The following SLC24A2 variants were observed in gnomAD, a reference collection of about 807,000 sequenced individuals.
SLC24A2 encodes sodium/potassium/calcium exchanger 2.
A neutral mutation model predicts 62.0 loss-of-function variants in SLC24A2; 36 were observed. That is an observed-to-expected ratio of 0.58 (90% confidence interval 0.44 to 0.77). The LOEUF is 0.77. Ranked by LOEUF, SLC24A2 falls within the 30% of genes least tolerant of loss-of-function variation. The pLI, the probability that SLC24A2 is intolerant of heterozygous loss-of-function variation, is 0.00. For missense variants in SLC24A2, 846 were observed against 817.9 expected (o/e 1.03, Z -0.42); for synonymous variants, 358 against 294.0 (o/e 1.22, Z -2.23).
At chr9:19,596,423 T>C (rs888916285) in intron 5 of SLC24A2, among the ~76,000 whole-genome samples, 1 of 152,188 alleles carries the variant, frequency 6.6e-6, no homozygotes, top group Non-Finnish European at 1.5e-5. Context: ...TCGCAGTATG[T>C]ATGGGATGAA....
chr9:20,036,321 T>C, the SLC24A2 span, among the ~76,000 whole-genome samples: 1 of 152,238 alleles, frequency 6.6e-6, no homozygotes, highest in Non-Finnish European at 1.5e-5. Context: ...TATTTGACAC[T>C]TGTTGTAATG....
chr9:20,225,988 G>C, the SLC24A2 span, among the ~76,000 whole-genome samples: 3 of 152,038 alleles, frequency 2.0e-5, no homozygotes, highest in African/African-American at 4.8e-5. Context: ...TGAAAGTGAA[G>C]GAAGGAGGAA....
At chr9:20,023,478 T>C in the SLC24A2 span, among the ~76,000 whole-genome samples, 1 of 152,202 alleles carries the variant, frequency 6.6e-6, no homozygotes. Flanking sequence ...ACAATCTTTG[T>C]AGCTGTCACT....
the SLC24A2 span, among the ~76,000 whole-genome samples, chr9:20,127,627 G>A: frequency 2.6e-5 from 4 of 152,118 alleles, no homozygotes; most frequent in African/African-American, 7.2e-5. Context: ...GATTTTCAAT[G>A]AGATAACTTG....
At chr9:20,150,557 T>C in the SLC24A2 span, among the ~76,000 whole-genome samples, 13 of 152,010 alleles carry the variant, frequency 8.6e-5, no homozygotes, top group Non-Finnish European at 1.3e-4. Flanking sequence ...CCAAGGTCTT[T>C]TATAATTTTT....
chr9:19,553,336 G>C (rs1428897445), intron 7 of SLC24A2, among the ~76,000 whole-genome samples: 1 of 152,162 alleles, frequency 6.6e-6, no homozygotes, highest in Non-Finnish European at 1.5e-5. Context: ...TGCTGGCTTT[G>C]ACCTTGTGAC....
the SLC24A2 span, among the ~76,000 whole-genome samples, chr9:20,242,817 A>G: frequency 1.5e-4 from 23 of 152,220 alleles, no homozygotes; most frequent in African/African-American, 4.8e-4. Flanking sequence ...GCTGCCTTCA[A>G]TTTGGTTAAT....
the SLC24A2 span, among the ~76,000 whole-genome samples, chr9:20,019,748 G>C: frequency 6.6e-6 from 1 of 152,072 alleles, no homozygotes; most frequent in Non-Finnish European, 1.5e-5. Context: ...AAGAGCTTCT[G>C]CACAGCAAAA....
chr9:20,185,675 A>G, the SLC24A2 span, among the ~76,000 whole-genome samples: 6 of 151,642 alleles, frequency 4.0e-5, no homozygotes, highest in Admixed American at 3.9e-4. Flanking sequence ...AAAAAAAAAA[A>G]AAAAAGAAAA....
At chr9:19,518,242 A>G (rs1297283084) in intron 10 of SLC24A2, among the ~76,000 whole-genome samples, 1 of 152,194 alleles carries the variant, frequency 6.6e-6, no homozygotes, top group Non-Finnish European at 1.5e-5. Context: ...TTAAAAAATC[A>G]CAAGCTTAGA....
intron 2 of SLC24A2, among the ~76,000 whole-genome samples, chr9:19,706,678 G>T (rs572878372): frequency 9.8e-4 from 149 of 151,970 alleles, no homozygotes; most frequent in Middle Eastern, 3.4e-3. Context: ...GCGCCCGGCC[G>T]GGTCTTGATT....
At chr9:20,240,572 C>G in the SLC24A2 span, among the ~76,000 whole-genome samples, 1 of 152,118 alleles carries the variant, frequency 6.6e-6, no homozygotes, top group African/African-American at 2.4e-5. Flanking sequence ...TCCTTTTTAA[C>G]TTGGATGTAT....
At chr9:19,858,656 C>G in the SLC24A2 span, among the ~76,000 whole-genome samples, 1 of 151,786 alleles carries the variant, frequency 6.6e-6, no homozygotes, top group Non-Finnish European at 1.5e-5. Flanking sequence ...AATTTATAAG[C>G]AAAAATCAAA....
At chr9:19,851,161 T>C in the SLC24A2 span, among the ~76,000 whole-genome samples, 5 of 148,552 alleles carry the variant, frequency 3.4e-5, no homozygotes, top group African/African-American at 9.9e-5. Flanking sequence ...GTAGTTGGGA[T>C]TGTAGGAGCC....
chr9:19,884,811 A>T, the SLC24A2 span, among the ~76,000 whole-genome samples: 63,244 of 152,060 alleles, frequency 0.42, 13,739 homozygotes, highest in East Asian at 0.84. Context: ...TTTGCCCAAC[A>T]GTAGGCTAAT....
the SLC24A2 span, among the ~76,000 whole-genome samples, chr9:19,849,267 GCTCA>G: frequency 6.6e-6 from 1 of 152,168 alleles, no homozygotes; most frequent in Non-Finnish European, 1.5e-5. Context: ...ACTCTTAATT[GCTCA>G]CTAAGAATAC....
chr9:19,656,637 G>C (rs1355408676), intron 2 of SLC24A2, among the ~76,000 whole-genome samples: 1 of 152,180 alleles, frequency 6.6e-6, no homozygotes, highest in East Asian at 1.9e-4. Context: ...GAGCACCACA[G>C]ACAAGACTCA....
At chr9:19,782,247 C>G (rs148728731) in intron 2 of SLC24A2, among the ~76,000 whole-genome samples, 14 of 152,230 alleles carry the variant, frequency 9.2e-5, no homozygotes, top group African/African-American at 3.1e-4. Context: ...CAAAATGAGC[C>G]GAATGATCTG....
intron 5 of SLC24A2, among the ~76,000 whole-genome samples, chr9:19,586,234 A>G (rs1836366768): frequency 6.6e-6 from 1 of 152,098 alleles, no homozygotes; most frequent in Non-Finnish European, 1.5e-5. Context: ...TGTTTCACTG[A>G]CGCTCTCCCC....
Sources: allele counts gnomAD v4.1 joint callset (sites outside exome capture counted in the v4.1 genomes callset), GRCh38; gene constraint gnomAD v4.1.1; transcripts MANE v1.5; gene names NCBI Gene and HGNC (gene_info 2026-07-23, HGNC 2026-07-21).